The following SLC24A2 variants were observed in gnomAD, a reference collection of about 807,000 sequenced individuals.
The protein encoded by SLC24A2 is sodium/potassium/calcium exchanger 2.
In SLC24A2, 36 loss-of-function variants were observed where a neutral mutation model predicts 62.0. The observed-to-expected ratio is 0.58, with a 90% CI of 0.44 to 0.77. The LOEUF is 0.77. SLC24A2 is among the 30% of genes least tolerant of loss of function. The pLI, the probability that SLC24A2 is intolerant of heterozygous loss-of-function variation, is 0.00. For synonymous variants in SLC24A2, 358 were observed against 294.0 expected, an observed-to-expected ratio of 1.22 and a Z score of -2.23; for missense variants, 846 against 817.9, an observed-to-expected ratio of 1.03 and a Z score of -0.42.
chr9:19,908,182 A>G, the SLC24A2 span, among the ~76,000 whole-genome samples: 21 of 152,336 alleles, frequency 1.4e-4, no homozygotes, highest in African/African-American at 3.6e-4. Context: ...ACAATGCTGC[A>G]TATCTACAAC....
intron 2 of SLC24A2, among the ~76,000 whole-genome samples, chr9:19,701,882 G>A (rs1277651117): frequency 6.6e-6 from 1 of 151,958 alleles, no homozygotes; most frequent in Admixed American, 6.6e-5. Flanking sequence ...TCCCACTTTG[G>A]CACAATCCAA....
the SLC24A2 span, among the ~76,000 whole-genome samples, chr9:19,962,510 C>T: frequency 1.3e-5 from 2 of 152,152 alleles, no homozygotes; most frequent in Non-Finnish European, 2.9e-5. Flanking sequence ...GAATGTTCTT[C>T]CATTTGTTTG....
intron 2 of SLC24A2, among the ~76,000 whole-genome samples, chr9:19,768,966 T>C (rs1173160927): frequency 2.0e-5 from 3 of 152,158 alleles, no homozygotes; most frequent in African/African-American, 7.2e-5. Flanking sequence ...GGTGATTTTA[T>C]TCCATCCCAT....
chr9:20,140,424 C>A, the SLC24A2 span, among the ~76,000 whole-genome samples: 3 of 152,306 alleles, frequency 2.0e-5, no homozygotes, highest in Admixed American at 2.0e-4. Context: ...GGCACAGCTG[C>A]AAGTTGGTTG....
chr9:19,789,889 C>T (rs553866603), upstream of SLC24A2, among the ~76,000 whole-genome samples: 2 of 152,262 alleles, frequency 1.3e-5, no homozygotes, highest in South Asian at 4.1e-4. Flanking sequence ...TCCTTCTGTT[C>T]TCTCCCCCAT....
the SLC24A2 span, among the ~76,000 whole-genome samples, chr9:20,108,483 C>T: frequency 2.0e-5 from 3 of 152,096 alleles, no homozygotes; most frequent in Non-Finnish European, 2.9e-5. Context: ...ATTAAGAAAA[C>T]TTGGCACATA....
the SLC24A2 span, among the ~76,000 whole-genome samples, chr9:20,126,775 T>C: frequency 2.6e-5 from 4 of 152,158 alleles, no homozygotes; most frequent in Admixed American, 1.3e-4. Context: ...ATTCTCTTAA[T>C]TATACCAGTC....
chr9:20,227,645 T>TA, the SLC24A2 span, among the ~76,000 whole-genome samples: 2 of 151,976 alleles, frequency 1.3e-5, no homozygotes, highest in Non-Finnish European at 1.5e-5. Context: ...TCTTCTGCCC[T>TA]TCTATGCCCT....
At chr9:19,976,262 G>A in the SLC24A2 span, among the ~76,000 whole-genome samples, 2 of 152,226 alleles carry the variant, frequency 1.3e-5, no homozygotes, top group Admixed American at 6.5e-5. Flanking sequence ...GTTTGTCTCT[G>A]TATCCCCACC....
the SLC24A2 span, among the ~76,000 whole-genome samples, chr9:20,156,205 T>C: frequency 6.6e-6 from 1 of 151,840 alleles, no homozygotes; most frequent in East Asian, 1.9e-4. Flanking sequence ...TATTGTATGA[T>C]ATTCATGTCA....
At chr9:20,218,699 G>A in the SLC24A2 span, among the ~76,000 whole-genome samples, 1 of 152,246 alleles carries the variant, frequency 6.6e-6, no homozygotes, top group East Asian at 1.9e-4. Context: ...CCAAAGAAGG[G>A]TGCCCATATC....
chr9:20,093,858 T>C, the SLC24A2 span, among the ~76,000 whole-genome samples: 39 of 152,330 alleles, frequency 2.6e-4, no homozygotes, highest in African/African-American at 9.1e-4. Context: ...CTTGAGGTGA[T>C]GGATACCCGA....
At chr9:19,558,764 C>T (rs1835237263) in intron 7 of SLC24A2, among the ~76,000 whole-genome samples, 1 of 152,214 alleles carries the variant, frequency 6.6e-6, no homozygotes, top group East Asian at 1.9e-4. Flanking sequence ...GCTTCTCTTC[C>T]TACCTCCCTC....
At chr9:19,588,178 C>T (rs200430031) in intron 5 of SLC24A2, among the ~76,000 whole-genome samples, 27 of 121,686 alleles carry the variant, frequency 2.2e-4, no homozygotes, top group South Asian at 2.6e-4. Flanking sequence ...TTCTTTTTTT[C>T]TTTTTTTTTT....
chr9:19,686,496 T>G (rs758740390), intron 2 of SLC24A2, among the ~76,000 whole-genome samples: 2 of 152,132 alleles, frequency 1.3e-5, no homozygotes, highest in Non-Finnish European at 2.9e-5. Context: ...AATCTCATCT[T>G]GAGTTGTAGT....
intron 2 of SLC24A2, among the ~76,000 whole-genome samples, chr9:19,630,136 T>C (rs970117432): frequency 1.3e-5 from 2 of 152,206 alleles, no homozygotes; most frequent in Non-Finnish European, 2.9e-5. Context: ...CTTAAGAGGA[T>C]TACCTGTGGC....
chr9:20,110,791 TTTCC>T, the SLC24A2 span, among the ~76,000 whole-genome samples: 1 of 152,218 alleles, frequency 6.6e-6, no homozygotes, highest in Admixed American at 6.5e-5. Context: ...CATAGTGATC[TTTCC>T]TTCCTCTGGT....
At chr9:20,220,955 A>G in the SLC24A2 span, among the ~76,000 whole-genome samples, 1 of 152,270 alleles carries the variant, frequency 6.6e-6, no homozygotes, top group South Asian at 2.1e-4. Flanking sequence ...TTCCTTTACA[A>G]AAATGTGCTG....
intron 2 of SLC24A2, among the ~76,000 whole-genome samples, chr9:19,725,922 T>C (rs1587225072): frequency 1.3e-5 from 2 of 152,188 alleles, no homozygotes; most frequent in African/African-American, 4.8e-5. Context: ...AAAAACCCAA[T>C]TCCTGCTCTG....
Sources: gnomAD v4.1 joint callset for allele counts (sites outside exome capture counted in the v4.1 genomes callset) on GRCh38, gnomAD v4.1.1 for gene constraint, MANE v1.5 for transcripts, NCBI Gene and HGNC (gene_info 2026-07-23, HGNC 2026-07-21) for gene names.